The following CNST variants were observed in gnomAD, a reference collection of about 807,000 sequenced individuals.
CNST encodes the protein consortin.
In CNST, 39 loss-of-function variants were observed where a neutral mutation model predicts 72.4. The observed-to-expected ratio is 0.54, with a 90% CI of 0.42 to 0.70. The LOEUF (loss-of-function observed/expected upper bound fraction) is 0.70, where lower values mean the gene tolerates loss of function less well. Ranked by LOEUF, CNST falls within the 30% of genes least tolerant of loss-of-function variation. The pLI, the probability that CNST is intolerant of heterozygous loss-of-function variation, is 0.00. For missense variants in CNST, 871 were observed against 868.5 expected, an observed-to-expected ratio of 1.00 and a Z score of -0.04; for synonymous variants, 332 against 320.1, an observed-to-expected ratio of 1.04 and a Z score of -0.40.
At chr1:246,640,795 GA>G (rs1260035758) in intron 6 of CNST, among the ~76,000 whole-genome samples, 13 of 152,038 alleles carry the variant, frequency 8.6e-5, no homozygotes, top group Non-Finnish European at 1.5e-4. Flanking sequence ...TCAAAATTTG[GA>G]TAACTCCCCC....
In CNST at chr1:246,658,582, C is replaced by T. The variant is rs143544837; in HGVS notation, c.1837-1617C>T. 5.9e-4 allele frequency among the ~76,000 whole-genome samples: 90 copies of T among 152,180 alleles called. 1 individual carries two copies. In the East Asian group the frequency reaches 0.014, roughly 24 times the overall value. ...GCCCTAAGATATAAAAAGAACTAAT[C>T]GAATCTGTAATATTTATGCATAGCG... On this transcript the variant is annotated intron_variant, in intron 9 of 10. Coordinates refer to ENST00000366513, the MANE Select transcript of CNST (RefSeq NM_152609.3).
chr1:246,634,990 G>GGGGTGCGTGTCTTGCGGCCA (rs1489366089), intron 6 of CNST, among the ~76,000 whole-genome samples: 1 of 149,510 alleles, frequency 6.7e-6, no homozygotes, highest in East Asian at 2.0e-4. Context: ...TCTTCCGGCC[G>GGGGTGCGTGTCTTGCGGCCA]GCCCTCTTCC....
Position 246,666,476 on chromosome 1 carries a change from A to G in CNST, c.*571A>G, listed in dbSNP as rs1190558122. 6.5e-6 allele frequency: 1 copy of G among 152,720 alleles called. No individual in the cohort carries two copies. Among genetic ancestry groups the G allele is most frequent in the African/African-American group, 2.4e-5 (1 of 41,464 alleles). The allele number at this position is 152,720 out of a possible 1,614,324, so 9.5% of individuals were successfully genotyped here. Reference sequence around the variant, plus strand: ...GCGTGCGCATGTGCTTCCGGCAGTTAACATAAGCAAATACCCAACATCACA... The same window carrying G: ...GCGTGCGCATGTGCTTCCGGCAGTTGACATAAGCAAATACCCAACATCACA... On this transcript the variant is annotated 3_prime_UTR_variant, in exon 11 of 11. Coordinates refer to ENST00000366513, the MANE Select transcript of CNST (RefSeq NM_152609.3).
Position 246,647,963 on chromosome 1 carries a change from C to CTCCAGGAGAATCTGCCTTCTGA in CNST, c.1764_1785dup (p.Glu596ProfsTer7). 6.2e-7 allele frequency: 1 copy of CTCCAGGAGAATCTGCCTTCTGA among 1,613,796 alleles called. No homozygotes were observed. Among genetic ancestry groups the CTCCAGGAGAATCTGCCTTCTGA allele is most frequent in the Non-Finnish European group, 8.5e-7 (1 of 1,180,026 alleles). ...CTCTCCTGAAGAAGCATCCTATAGT[C>CTCCAGGAGAATCTGCCTTCTGA]TCCAGGAGAATCTGCCTTCTGATGA... On this transcript the variant is annotated frameshift_variant, in exon 9 of 11. Coordinates refer to ENST00000366513, the MANE Select transcript of CNST (RefSeq NM_152609.3). LOFTEE classifies it high-confidence loss of function.
intron 2 of CNST, among the ~76,000 whole-genome samples, chr1:246,611,551 T>C (rs1039694413): frequency 6.6e-6 from 1 of 152,220 alleles, no homozygotes; most frequent in African/African-American, 2.4e-5. Context: ...GTCATTGATT[T>C]AGAAACTCAA....
intron 3 of CNST, among the ~76,000 whole-genome samples, chr1:246,626,470 T>A (rs1664444374): frequency 7.0e-6 from 1 of 142,054 alleles, no homozygotes; most frequent in Non-Finnish European, 1.5e-5. Flanking sequence ...TTTTTTTTTT[T>A]TTTTTGAGAC....
intron 1 of CNST, among the ~76,000 whole-genome samples, chr1:246,585,805 C>T (rs888204597): frequency 6.6e-6 from 1 of 150,898 alleles, no homozygotes; most frequent in African/African-American, 2.4e-5. Context: ...CTACGCTGGG[C>T]GTGGTGGCAT....
chr1:246,593,205 T>A (rs750773671), intron 2 of CNST, among the ~76,000 whole-genome samples: 40 of 152,212 alleles, frequency 2.6e-4, no homozygotes, highest in Non-Finnish European at 7.3e-5. Flanking sequence ...GAAAACTTTT[T>A]AATATAATTC....
At chr1:246,617,426 T>C (rs1663781808) in intron 2 of CNST, among the ~76,000 whole-genome samples, 1 of 152,252 alleles carries the variant, frequency 6.6e-6, no homozygotes, top group Non-Finnish European at 1.5e-5. Context: ...TGGACTTGTC[T>C]CAGAACTGCT....
At chr1:246,585,765 G>A (rs1661135412) in intron 1 of CNST, among the ~76,000 whole-genome samples, 1 of 149,646 alleles carries the variant, frequency 6.7e-6, no homozygotes, top group Admixed American at 6.7e-5. Context: ...TATACCTACA[G>A]TGGGTATACT....
intron 1 of CNST, among the ~76,000 whole-genome samples, chr1:246,576,957 G>T (rs1660476399): frequency 6.6e-6 from 1 of 152,006 alleles, no homozygotes; most frequent in Admixed American, 6.6e-5. Context: ...CACCAGAGTG[G>T]AAACATTTGG....
chr1:246,664,465 G>C (rs933745466), intron 10 of CNST, among the ~76,000 whole-genome samples: 5 of 150,644 alleles, frequency 3.3e-5, no homozygotes, highest in East Asian at 1.9e-4. Flanking sequence ...CTCGCCCTGT[G>C]GCCCAGGCTG....
At chr1:246,598,093 C>T (rs1212490781) in intron 2 of CNST, among the ~76,000 whole-genome samples, 1 of 151,978 alleles carries the variant, frequency 6.6e-6, no homozygotes, top group Non-Finnish European at 1.5e-5. Context: ...GTGATTCTCT[C>T]ACCTCAGCCT....
At position 246,666,188 on chromosome 1, in the gene CNST, A is replaced by G; in HGVS notation, c.*283A>G. 1 of 346,458 alleles carries G rather than the reference A, an allele frequency of 2.9e-6. No individual in the cohort carries two copies. Among genetic ancestry groups the G allele is most frequent in the Non-Finnish European group, 5.3e-6 (1 of 188,336 alleles). The allele number at this position is 346,458 out of a possible 1,614,324, so 21.5% of individuals were successfully genotyped here. A position where few individuals can be genotyped will look rare whatever the true frequency, so the allele number is the denominator to read the frequency against. ...CCTAATGTCATGAGGTACACTGAGC[A>G]GAATTAAACAGGGTAGTCTTAACCA... On this transcript the variant is annotated 3_prime_UTR_variant, in exon 11 of 11. Transcript: ENST00000366513.
At chr1:246,638,025 C>T (rs1312848395) in intron 6 of CNST, among the ~76,000 whole-genome samples, 1 of 152,036 alleles carries the variant, frequency 6.6e-6, no homozygotes, top group Non-Finnish European at 1.5e-5. Flanking sequence ...CACTGAGTGG[C>T]AGATACAGCA....
Position 246,647,959 on chromosome 1 carries a change from T to C in CNST, c.1758T>C (p.Tyr586=). 1 of 1,613,028 alleles carries C rather than the reference T, an allele frequency of 6.2e-7. No individual in the cohort carries two copies. The highest frequency in any genetic ancestry group is 8.5e-7 in the Non-Finnish European group (1 of 1,179,238). Residue 586 remains tyrosine, a synonymous_variant, in exon 9 of 11, where the codon TAT becomes TAC. Transcript: ENST00000366513. ...ATCTCTCTCCTGAAGAAGCATCCTA[T>C]AGTCTCCAGGAGAATCTGCCTTCTG... ...LQDLSPEEAS[Y]SLQENLPSDE...
intron 9 of CNST, among the ~76,000 whole-genome samples, chr1:246,648,749 A>G (rs1408141514): frequency 6.6e-6 from 1 of 152,174 alleles, no homozygotes; most frequent in Non-Finnish European, 1.5e-5. Context: ...TTACCTCTGT[A>G]AGCCTGTTTT....
intron 4 of CNST, among the ~76,000 whole-genome samples, chr1:246,633,569 C>T (rs999133885): frequency 2.6e-5 from 4 of 151,876 alleles, no homozygotes; most frequent in Admixed American, 1.3e-4. Context: ...GGTGAAACCC[C>T]GTCTCTACTA....
chr1:246,626,006 T>TAA (rs1664407544), intron 3 of CNST, among the ~76,000 whole-genome samples: 1 of 152,142 alleles, frequency 6.6e-6, no homozygotes. Flanking sequence ...TCTTGGCTTT[T>TAA]ACCTCTTACA....
Sources: gnomAD v4.1 joint callset for allele counts (sites outside exome capture counted in the v4.1 genomes callset) on GRCh38, gnomAD v4.1.1 for gene constraint, MANE v1.5 for transcripts, NCBI Gene and HGNC (gene_info 2026-07-23, HGNC 2026-07-21) for gene names.